The following PPIL6 variants were observed in gnomAD, a reference collection of about 807,000 sequenced individuals.
The protein encoded by PPIL6 is peptidylprolyl isomerase like 6.
Under a neutral mutation model 36.8 loss-of-function variants are expected in PPIL6, and 39 were observed. The observed-to-expected ratio is 1.06, with a 90% CI of 0.82 to 1.38. The LOEUF is 1.38. PPIL6 is among the 40% of genes most tolerant of loss of function. PPIL6 has a pLI of 0.00. For synonymous variants in PPIL6, 123 were observed against 134.1 expected (o/e 0.92, Z 0.57); for missense variants, 368 against 379.1 (o/e 0.97, Z 0.24).
Position 109,398,896 on chromosome 6 carries a change from C to T in PPIL6, c.824+1139G>A, listed in dbSNP as rs1772408380. Among the ~76,000 whole-genome samples the T allele has an allele frequency of 2.6e-5, 4 of 152,040 alleles. No individual in the cohort carries two copies. The South Asian group carries it at 8.3e-4, about 32-fold the overall frequency. The stretch of plus-strand genomic sequence containing the variant: ...TGGATAGATAGAGACACAGAAAGAA[C>T]ATTATTGTGACTATGCCTAAATGGT... On this transcript the variant is annotated intron_variant, in intron 7 of 7. Coordinates refer to ENST00000521072, the MANE Select transcript of PPIL6 (RefSeq NM_173672.5).
chr6:109,399,947 T>C, intron 7 of PPIL6, 88 bp downstream of exon 7: 1 of 1,053,412 alleles, frequency 9.5e-7, no homozygotes, highest in South Asian at 2.1e-5. Flanking sequence ...TAGCTACCTA[T>C]ACACTATATA....
At chr6:109,434,817 A>G (rs901877525) in intron 2 of PPIL6, among the ~76,000 whole-genome samples, 1 of 152,148 alleles carries the variant, frequency 6.6e-6, no homozygotes, top group African/African-American at 2.4e-5. Context: ...CACCCTCCCC[A>G]ACACAGGATA....
At chr6:109,441,014 T>A, upstream of PPIL6, 7 of 1,159,538 alleles carry the variant, frequency 6.0e-6, no homozygotes, top group Non-Finnish European at 8.8e-6. Context: ...GCGCGCCGCC[T>A]GCGAAGAAGG....
Position 109,426,885 on chromosome 6 carries a change from A to C in PPIL6, c.593T>G (p.Phe198Cys). The C allele has an allele frequency of 6.2e-7, 1 of 1,601,438 alleles. No homozygotes were observed. The highest frequency in any genetic ancestry group is 8.5e-7 in the Non-Finnish European group (1 of 1,170,254). ...CCAGCCATTCTGTACTATTCGATGAAAAATGGAATTTTTGTAATGTAGTCT... is the reference window on the plus strand; with the variant it reads ...CCAGCCATTCTGTACTATTCGATGACAAATGGAATTTTTGTAATGTAGTCT... ...GIRLHYKNSI[F>C]HRIVQNGWIQ... Residue 198 changes from phenylalanine to cysteine, a missense_variant, in exon 5 of 8, where the codon TTT becomes TGT. Physicochemically the swap from Phe to Cys is radical, Grantham distance 205. Coordinates refer to ENST00000521072, the MANE Select transcript of PPIL6 (RefSeq NM_173672.5).
At position 109,419,263 on chromosome 6, in the gene PPIL6, A is replaced by T; in HGVS notation, c.632-20T>A. 4 of 1,456,736 alleles carry T rather than the reference A, an allele frequency of 2.7e-6. No homozygotes were observed. Among genetic ancestry groups the T allele is most frequent in the Non-Finnish European group, 3.8e-6 (4 of 1,042,946 alleles). 90.2% of individuals were successfully genotyped at this position (1,456,736 alleles called of 1,614,324 possible). On this transcript the variant is annotated intron_variant, in intron 5 of 7. Coordinates refer to ENST00000521072, the MANE Select transcript of PPIL6 (RefSeq NM_173672.5). ...CTATATCTGAGAAATAGCAACAAATAAACATTAGAATTTTGAGATGAAAAG... is the reference window on the plus strand; with the variant it reads ...CTATATCTGAGAAATAGCAACAAATTAACATTAGAATTTTGAGATGAAAAG...
chr6:109,400,488 CTT>C (rs1772483424), intron 6 of PPIL6, among the ~76,000 whole-genome samples: 1 of 152,188 alleles, frequency 6.6e-6, no homozygotes, highest in South Asian at 2.1e-4. Context: ...GGTCAGCAAA[CTT>C]TCTCGTGCTG....
intron 5 of PPIL6, among the ~76,000 whole-genome samples, chr6:109,424,505 A>T (rs1773718048): frequency 6.6e-6 from 1 of 152,204 alleles, no homozygotes; most frequent in African/African-American, 2.4e-5. Flanking sequence ...GTCCTCCAAA[A>T]TTCTACATAG....
chr6:109,412,870 G>T (rs1418177955), intron 6 of PPIL6, among the ~76,000 whole-genome samples: 2 of 152,148 alleles, frequency 1.3e-5, no homozygotes, highest in East Asian at 3.9e-4. Context: ...ACAACAAAGT[G>T]AAGACATGGC....
chr6:109,407,716 T>A (rs1231166911), intron 6 of PPIL6, among the ~76,000 whole-genome samples: 1 of 152,198 alleles, frequency 6.6e-6, no homozygotes, highest in Non-Finnish European at 1.5e-5. Flanking sequence ...AATAATACCA[T>A]CACCAGTGTA....
In PPIL6 at chr6:109,436,016, T is replaced by C. The variant is rs1562275723; in HGVS notation, c.231+88A>G. The C allele has an allele frequency of 6.5e-6, 5 of 771,246 alleles. No individual in the cohort carries two copies. The East Asian group carries it at 7.3e-5, about 11-fold the overall frequency. 47.8% of individuals were successfully genotyped at this position (771,246 alleles called of 1,614,324 possible). A position where few individuals can be genotyped will look rare whatever the true frequency, so the allele number is the denominator to read the frequency against. ...TAAAATCTAGTTACACTAAAATTAC[T>C]CTTTCAGTTTTTCCAAAACAATGCA... is the stretch of plus-strand genomic sequence containing the variant. On this transcript the variant is annotated intron_variant, in intron 2 of 7. Transcript: ENST00000521072.
chr6:109,436,258 T>A, intron 1 of PPIL6, 59 bp from the exon 2 acceptor site: 3 of 1,045,716 alleles, frequency 2.9e-6, no homozygotes, highest in Non-Finnish European at 4.4e-6. Context: ...GTCAAAATCA[T>A]GTTCCCCAAT....
chr6:109,432,842 G>A (rs1448247175), intron 2 of PPIL6, among the ~76,000 whole-genome samples: 1 of 152,066 alleles, frequency 6.6e-6, no homozygotes, highest in Non-Finnish European at 1.5e-5. Context: ...ACTAGTTTGA[G>A]GAACAGTTTA....
upstream of PPIL6, chr6:109,440,696 G>A: frequency 2.2e-6 from 2 of 896,772 alleles, no homozygotes; most frequent in Non-Finnish European, 2.8e-6. Flanking sequence ...GGGGCGGGTC[G>A]AGGGCGGCCC....
At chr6:109,399,440 G>A (rs542800519) in intron 7 of PPIL6, among the ~76,000 whole-genome samples, 1 of 146,274 alleles carries the variant, frequency 6.8e-6, no homozygotes, top group East Asian at 2.1e-4. Context: ...GAGTCTTGCT[G>A]TGTCACCCCG....
In PPIL6 at chr6:109,437,540, TTTC is replaced by T. The variant is rs1434784603; in HGVS notation, c.136-1344_136-1342del. The stretch of plus-strand genomic sequence containing the variant: ...AGGCAATACTGCAGGTTGACTACTA[TTTC>T]TTTTCTTTTTTTTTTTTTTTTTTTT... On this transcript the variant is annotated intron_variant, in intron 1 of 7. Coordinates refer to ENST00000521072, the MANE Select transcript of PPIL6 (RefSeq NM_173672.5). Among the ~76,000 whole-genome samples, 6 of 146,706 alleles carry T rather than the reference TTTC, an allele frequency of 4.1e-5. No individual in the cohort carries two copies. In the East Asian group the frequency reaches 5.9e-4, roughly 14 times the overall value.
intron 2 of PPIL6, among the ~76,000 whole-genome samples, chr6:109,433,727 A>G (rs1774292281): frequency 6.6e-6 from 1 of 152,230 alleles, no homozygotes; most frequent in Non-Finnish European, 1.5e-5. Context: ...ATGACACAAG[A>G]CACAATACTT....
At chr6:109,399,908 G>T in intron 7 of PPIL6, 127 bp downstream of exon 7, 1 of 621,864 alleles carries the variant, frequency 1.6e-6, no homozygotes, top group African/African-American at 1.9e-5. Flanking sequence ...GTCTCTATTT[G>T]TATTATTTTT....
chr6:109,407,524 G>C (rs1301224642), intron 6 of PPIL6, among the ~76,000 whole-genome samples: 3 of 151,866 alleles, frequency 2.0e-5, no homozygotes, highest in African/African-American at 4.8e-5. Flanking sequence ...TAGGCACCGC[G>C]CCCGGCCAGG....
At chr6:109,432,048 A>G (rs951429880) in intron 2 of PPIL6, among the ~76,000 whole-genome samples, 1 of 152,208 alleles carries the variant, frequency 6.6e-6, no homozygotes, top group Non-Finnish European at 1.5e-5. Flanking sequence ...GTAATCTGGT[A>G]ACAAAAATCA....
Sources: allele counts gnomAD v4.1 joint callset (sites outside exome capture counted in the v4.1 genomes callset), GRCh38; gene constraint gnomAD v4.1.1; transcripts MANE v1.5; gene names NCBI Gene and HGNC (gene_info 2026-07-23, HGNC 2026-07-21).